The following RTTN variants were observed in gnomAD, a reference collection of about 807,000 sequenced individuals.
RTTN encodes rotatin.
A neutral mutation model predicts 269.2 loss-of-function variants in RTTN; 182 were observed. The observed-to-expected ratio is 0.68, with a 90% confidence interval of 0.60 to 0.76. The LOEUF (loss-of-function observed/expected upper bound fraction) is 0.76, where lower values mean the gene tolerates loss of function less well. Ranked by LOEUF, RTTN falls within the 30% of genes least tolerant of loss-of-function variation. The pLI is 0.00. For synonymous variants in RTTN, 1,006 were observed against 963.5 expected, an observed-to-expected ratio of 1.04 and a Z score of -0.82; for missense variants, 2,545 against 2,608.6, an observed-to-expected ratio of 0.98 and a Z score of 0.53.
chr18:70,183,413 T>C (rs1394488908), intron 10 of RTTN, among the ~76,000 whole-genome samples: 1 of 152,160 alleles, frequency 6.6e-6, no homozygotes, highest in Non-Finnish European at 1.5e-5. Context: ...TACTGAGATT[T>C]AAATTGAACA....
intron 40 of RTTN, among the ~76,000 whole-genome samples, chr18:70,040,621 C>T (rs188083165): frequency 2.6e-5 from 4 of 152,192 alleles, no homozygotes; most frequent in East Asian, 1.9e-4. Context: ...AAAGACCAAA[C>T]GGACCTAATA....
At chr18:70,125,762 A>G (rs2059848905) in intron 25 of RTTN, among the ~76,000 whole-genome samples, 1 of 152,128 alleles carries the variant, frequency 6.6e-6, no homozygotes, top group Non-Finnish European at 1.5e-5. Context: ...TTCATCTTAG[A>G]TAATCAGTCA....
chr18:70,114,588 T>C lies in RTTN; in HGVS notation c.3540A>G (p.Pro1180=). ...LELLLRHSAN[P]LLDLLVLTES... ...CTGTCAGAACCAAGAGGTCTAACAG[T>C]GGGTTTGCACTCTAAAAAATGAAAT... Residue 1180 remains proline (P), a synonymous_variant, in exon 27 of 49, where the codon CCA becomes CCG. Coordinates refer to ENST00000640769, the MANE Select transcript of RTTN (RefSeq NM_173630.4). 2.5e-6 allele frequency: 4 copies of C among 1,612,322 alleles called. No homozygotes were observed. The highest frequency in any genetic ancestry group is 2.5e-6 in the Non-Finnish European group (3 of 1,179,236).
At chr18:70,028,220 C>G (rs144561724) in intron 43 of RTTN, among the ~76,000 whole-genome samples, 36 of 151,736 alleles carry the variant, frequency 2.4e-4, no homozygotes, top group African/African-American at 8.2e-4. Context: ...AGCAAAACAT[C>G]TCAGTGATTT....
At chr18:70,148,837 T>C in intron 17 of RTTN, 64 bp downstream of exon 17, 1 of 1,583,288 alleles carries the variant, frequency 6.3e-7, no homozygotes, top group Non-Finnish European at 8.6e-7. Context: ...TTATATATAG[T>C]TACTATACTT....
At chr18:70,184,465 T>G (rs2061488061) in intron 10 of RTTN, among the ~76,000 whole-genome samples, 1 of 151,804 alleles carries the variant, frequency 6.6e-6, no homozygotes, top group African/African-American at 2.4e-5. Flanking sequence ...GTAGTGACAG[T>G]CACTTGAACC....
In RTTN at chr18:70,140,123, CATTT is replaced by C. The variant is rs1399411053; in HGVS notation, c.2643_2646del (p.Glu883ValfsTer2). Reference sequence around the variant, plus strand: ...ACCTTGCCATCTTGACTCACACATTCATTTAAATACTCAATTATTTTGTCAATTA... The same window carrying C: ...ACCTTGCCATCTTGACTCACACATTCAAATACTCAATTATTTTGTCAATTA... On this transcript the variant is annotated frameshift_variant, in exon 20 of 49. Transcript: ENST00000640769. LOFTEE classifies it high-confidence loss of function. 2 of 1,597,610 alleles carry C rather than the reference CATTT, an allele frequency of 1.3e-6. No homozygotes were observed. The highest frequency in any genetic ancestry group is 8.6e-7 in the Non-Finnish European group (1 of 1,165,748).
intron 34 of RTTN, among the ~76,000 whole-genome samples, chr18:70,069,614 T>C (rs1336248689): frequency 6.6e-6 from 1 of 152,242 alleles, no homozygotes; most frequent in African/African-American, 2.4e-5. Flanking sequence ...ACAAAAATGA[T>C]TTTCTTTGTA....
intron 14 of RTTN, among the ~76,000 whole-genome samples, chr18:70,162,848 A>C (rs566002803): frequency 2.5e-4 from 38 of 149,458 alleles, no homozygotes; most frequent in African/African-American, 8.9e-4. Flanking sequence ...CCCATGTAAC[A>C]AACCTGCACA....
At chr18:70,065,285 A>AAAG (rs1219756624) in intron 35 of RTTN, among the ~76,000 whole-genome samples, 1 of 151,212 alleles carries the variant, frequency 6.6e-6, no homozygotes, top group Admixed American at 6.6e-5. Context: ...AAAAAAAAAA[A>AAAG]AAGCAAAGTT....
intron 30 of RTTN, among the ~76,000 whole-genome samples, chr18:70,089,490 G>T (rs1203362635): frequency 6.6e-6 from 1 of 152,178 alleles, no homozygotes; most frequent in Non-Finnish European, 1.5e-5. Context: ...ATGGAAGCCT[G>T]AGCACACTAA....
At chr18:70,016,853 C>T (rs988011432) in intron 46 of RTTN, among the ~76,000 whole-genome samples, 6 of 151,954 alleles carry the variant, frequency 3.9e-5, no homozygotes, top group African/African-American at 1.5e-4. Context: ...CAGACAAAAG[C>T]CTCCTGACCC....
chr18:70,145,332 A>G (rs1286834130), intron 18 of RTTN, among the ~76,000 whole-genome samples: 3 of 152,236 alleles, frequency 2.0e-5, no homozygotes, highest in Non-Finnish European at 2.9e-5. Flanking sequence ...TACAATAAAT[A>G]TAATGCACTT....
intron 32 of RTTN, among the ~76,000 whole-genome samples, chr18:70,076,887 G>A (rs2145088120): frequency 9.2e-6 from 1 of 108,156 alleles, no homozygotes; most frequent in South Asian, 4.1e-4. Context: ...TTATTATATA[G>A]AATGAAGTAT....
At chr18:70,026,037 AAATT>A (rs2056843467) in intron 43 of RTTN, among the ~76,000 whole-genome samples, 1 of 152,202 alleles carries the variant, frequency 6.6e-6, no homozygotes, top group African/African-American at 2.4e-5. Context: ...TATATGTCCT[AAATT>A]ATTAATGCCA....
At chr18:70,084,184 C>T (rs1156794374) in intron 32 of RTTN, among the ~76,000 whole-genome samples, 2 of 151,362 alleles carry the variant, frequency 1.3e-5, no homozygotes, top group South Asian at 2.1e-4. Flanking sequence ...ATTTAGACTG[C>T]AGGCAGGAAA....
rs757093991 is a variant in RTTN, at chr18:70,148,901, G to T, written c.2309C>A (p.Ser770Ter). 1 of 1,613,200 alleles carries T rather than the reference G, an allele frequency of 6.2e-7. No homozygotes were observed. Residue 770 changes from serine to a stop codon, truncating the protein, a stop_gained and splice_region_variant, in exon 17 of 49, where the codon TCG (serine) becomes TAG (stop). Transcript: ENST00000640769. LOFTEE classifies it high-confidence loss of function. ...GTTCACAAGATTACGTTGTACTCACGATGGCTTTTTCACTAGCAAAAGTCG... is the reference window on the plus strand; with the variant it reads ...GTTCACAAGATTACGTTGTACTCACTATGGCTTTTTCACTAGCAAAAGTCG... ...MLRLLLVKKPSVRSLALKLLA... is the reference protein window; with the variant it reads ...MLRLLLVKKP
intron 44 of RTTN, among the ~76,000 whole-genome samples, chr18:70,021,599 T>G (rs1211314082): frequency 1.3e-5 from 2 of 152,134 alleles, no homozygotes; most frequent in African/African-American, 4.8e-5. Context: ...GAAAATGCAC[T>G]GAAAGGAGAC....
chr18:70,114,401 G>C, intron 27 of RTTN, 44 bp downstream of exon 27: 1 of 1,554,956 alleles, frequency 6.4e-7, no homozygotes, highest in Non-Finnish European at 8.7e-7. Context: ...GAAAACTTGG[G>C]TTCTATATAA....
Sources: allele counts gnomAD v4.1 joint callset (sites outside exome capture counted in the v4.1 genomes callset), GRCh38; gene constraint gnomAD v4.1.1; transcripts MANE v1.5; gene names NCBI Gene and HGNC (gene_info 2026-07-23, HGNC 2026-07-21).